FER: variants seen among roughly 807,000 people sequenced by gnomAD.
The protein encoded by FER is FER tyrosine kinase.
FER carries 63 observed loss-of-function variants against 111.0 expected under a neutral mutation model. That is an observed-to-expected ratio of 0.57 (90% CI 0.46 to 0.70). The LOEUF is 0.70. Among genes scored for constraint, FER ranks in the 30% least tolerant of loss-of-function variants. FER has a pLI of 0.00. For synonymous variants in FER, 327 were observed against 313.9 expected (o/e 1.04, Z -0.44); for missense variants, 914 against 954.0 (o/e 0.96, Z 0.55).
chr5:108,905,475 T>C (rs1020177318), intron 10 of FER, among the ~76,000 whole-genome samples: 1 of 152,198 alleles, frequency 6.6e-6, no homozygotes, highest in Non-Finnish European at 1.5e-5. Context: ...AAGAATTAAA[T>C]ATCTACTATG....
chr5:109,186,399 G>A (rs1045601192), intron 19 of FER, 77 bp downstream of exon 19: 36 of 1,605,060 alleles, frequency 2.2e-5, no homozygotes, highest in Non-Finnish European at 2.9e-5. Flanking sequence ...GTCTGCTTGA[G>A]GAGGGGTGTG....
intron 5 of FER, among the ~76,000 whole-genome samples, chr5:108,855,250 A>G (rs571426318): frequency 1.2e-3 from 177 of 152,304 alleles, no homozygotes; most frequent in African/African-American, 4.2e-3. Context: ...TGACATTACC[A>G]GTAATATAAA....
rs562767955 is a variant in FER, at chr5:109,070,840, T to C, written c.1924+23642T>C. 2.0e-5 allele frequency among the ~76,000 whole-genome samples: 3 copies of C among 152,140 alleles called. No homozygotes were observed. In the South Asian group the frequency reaches 6.2e-4, roughly 32 times the overall value. On this transcript the variant is annotated intron_variant, in intron 16 of 19. Transcript: ENST00000281092. ...TGCAATGAAATAGAGGCAATTTGATTATAATTAATGCAGTCATTTTGTAAT... is the reference window on the plus strand; with the variant it reads ...TGCAATGAAATAGAGGCAATTTGATCATAATTAATGCAGTCATTTTGTAAT...
chr5:108,850,067 C>A (rs374947082), intron 5 of FER, among the ~76,000 whole-genome samples: 2 of 151,726 alleles, frequency 1.3e-5, no homozygotes, highest in African/African-American at 4.8e-5. Context: ...TGGTGGTGCG[C>A]GCCTGTAGTC....
chr5:108,759,685 G>C (rs1035603404), intron 1 of FER, among the ~76,000 whole-genome samples: 2 of 152,196 alleles, frequency 1.3e-5, no homozygotes, highest in African/African-American at 4.8e-5. Flanking sequence ...AAGGGCAAGA[G>C]AGGGATGAAC....
At chr5:109,102,979 A>T (rs1748439789) in intron 17 of FER, among the ~76,000 whole-genome samples, 1 of 152,134 alleles carries the variant, frequency 6.6e-6, no homozygotes, top group African/African-American at 2.4e-5. Context: ...TAAGACATAG[A>T]TTATGTGTTT....
At chr5:108,829,823 C>A (rs78385355) in intron 3 of FER, among the ~76,000 whole-genome samples, 2,438 of 152,054 alleles carry the variant, frequency 0.016, 74 homozygotes, top group African/African-American at 0.056. Flanking sequence ...GCTTCCATTT[C>A]AATTGAGGAG....
At chr5:108,806,127 G>A (rs1021430819) in intron 3 of FER, among the ~76,000 whole-genome samples, 33 of 152,186 alleles carry the variant, frequency 2.2e-4, no homozygotes, top group South Asian at 1.0e-3. Flanking sequence ...CGCTCCAGCC[G>A]TGACTAAAAG....
At chr5:108,756,253 G>A (rs534357573) in intron 1 of FER, among the ~76,000 whole-genome samples, 1 of 151,524 alleles carries the variant, frequency 6.6e-6, no homozygotes, top group East Asian at 1.9e-4. Context: ...AGAATTACAT[G>A]CTTTCTATGT....
chr5:109,162,241 A>T (rs1756069257), intron 17 of FER, among the ~76,000 whole-genome samples: 1 of 152,150 alleles, frequency 6.6e-6, no homozygotes, highest in African/African-American at 2.4e-5. Flanking sequence ...ATTTCATGGT[A>T]TAACTCAGTC....
rs566112067 is a variant in FER at position 109,183,365 on chromosome 5, C to T, written c.2203+2464C>T. ...CTGGGTTCAAGCAATTCTCCTGTCT[C>T]AGCCTCCCCAGTAGCTGGGACTACA... On this transcript the variant is annotated intron_variant, in intron 18 of 19. Coordinates refer to ENST00000281092, the MANE Select transcript of FER (RefSeq NM_005246.4). Among the ~76,000 whole-genome samples the T allele has an allele frequency of 2.1e-4, 31 of 150,326 alleles. No homozygotes were observed. The East Asian group carries it at 6.1e-3, about 30-fold the overall frequency.
intron 16 of FER, among the ~76,000 whole-genome samples, chr5:109,060,851 C>T (rs974674482): frequency 6.6e-6 from 1 of 151,530 alleles, no homozygotes; most frequent in Non-Finnish European, 1.5e-5. Flanking sequence ...CACATAATCA[C>T]TATGTGTTTG....
At chr5:109,005,056 G>A (rs1424743172) in intron 13 of FER, among the ~76,000 whole-genome samples, 1 of 152,056 alleles carries the variant, frequency 6.6e-6, no homozygotes, top group African/African-American at 2.4e-5. Context: ...CATCCCTAGG[G>A]ATAAAGGGAC....
At chr5:108,748,861 C>G (rs1750075392) in intron 1 of FER, 2 of 152,814 alleles carry the variant, frequency 1.3e-5, no homozygotes, top group South Asian at 2.1e-4. Context: ...CTCGAGGGTG[C>G]CCGGAGACCG....
intron 17 of FER, among the ~76,000 whole-genome samples, chr5:109,141,306 C>T (rs1753499868): frequency 6.6e-6 from 1 of 152,130 alleles, no homozygotes; most frequent in South Asian, 2.1e-4. Context: ...GAAAAGCTCA[C>T]AAGAGCTTTA....
At chr5:108,815,092 G>A (rs1464339859) in intron 3 of FER, among the ~76,000 whole-genome samples, 1 of 151,924 alleles carries the variant, frequency 6.6e-6, no homozygotes, top group East Asian at 1.9e-4. Flanking sequence ...CTTTTAGTGG[G>A]GAAAATATCT....
chr5:108,892,001 T>A (rs1240974721), intron 9 of FER, among the ~76,000 whole-genome samples: 1 of 152,214 alleles, frequency 6.6e-6, no homozygotes, highest in Admixed American at 6.5e-5. Context: ...GAACTCATCC[T>A]TTTTTATGGC....
intron 9 of FER, among the ~76,000 whole-genome samples, chr5:108,890,467 T>G (rs1389056713): frequency 6.6e-6 from 1 of 152,082 alleles, no homozygotes; most frequent in Non-Finnish European, 1.5e-5. Flanking sequence ...GCCTGTCTCC[T>G]AGCTTCTGGT....
At chr5:108,766,085 A>G (rs961396706) in intron 1 of FER, among the ~76,000 whole-genome samples, 4 of 152,044 alleles carry the variant, frequency 2.6e-5, no homozygotes, top group Admixed American at 2.0e-4. Context: ...ACATGCCACC[A>G]TGCCTGGCTA....
Sources: allele counts gnomAD v4.1 joint callset (sites outside exome capture counted in the v4.1 genomes callset), GRCh38; gene constraint gnomAD v4.1.1; transcripts MANE v1.5; gene names NCBI Gene and HGNC (gene_info 2026-07-23, HGNC 2026-07-21).